Variants in MCL1 observed in about 807,000 individuals in gnomAD.
MCL1 encodes induced myeloid leukemia cell differentiation protein Mcl-1.
A neutral mutation model predicts 24.2 loss-of-function variants in MCL1; 4 were observed. The observed-to-expected ratio is 0.17, with a 90% CI of 0.08 to 0.38. The LOEUF (loss-of-function observed/expected upper bound fraction) is 0.38, where lower values mean the gene tolerates loss of function less well. Ranked by LOEUF, MCL1 falls within the 10% of genes least tolerant of loss-of-function variation. MCL1 has a pLI of 1.00. For synonymous variants in MCL1, 248 were observed against 214.0 expected (o/e 1.16, Z -1.39); for missense variants, 529 against 480.3 (o/e 1.10, Z -0.95).
Position 150,579,498 on chromosome 1 carries a change from T to G in MCL1, c.33A>C (p.Gly11=). The change falls in exon 1 of 3, where the codon GGA becomes GGC. Residue 11 remains glycine (G), a synonymous_variant. Transcript: ENST00000369026. MFGLKRNAVI[G]LNLYCGGAGL... is the part of the protein sequence containing the mutation. The stretch of plus-strand genomic sequence containing the variant: ...CGGCCCCCCCACAGTAGAGGTTGAG[T>G]CCGATTACCGCGTTTCTTTTGAGGC... The G allele has an allele frequency of 1.3e-6, 2 of 1,599,482 alleles. No individual in the cohort carries two copies. Among genetic ancestry groups the G allele is most frequent in the Non-Finnish European group, 1.7e-6 (2 of 1,174,230 alleles).
At position 150,578,988 on chromosome 1, in the gene MCL1, A is replaced by G. The variant is rs937833860; in HGVS notation, c.543T>C (p.Ile181=). The change falls in exon 1 of 3, where the codon ATT becomes ATC. Residue 181 remains isoleucine (I), a synonymous_variant. Coordinates refer to ENST00000369026, the MANE Select transcript of MCL1 (RefSeq NM_021960.5). ...CCTGCTCCCGAAGGTACCGAGAGAT[A>G]ATCTCCAGCGACTGCCGGTACAACT... The part of the protein sequence containing the change: ...EDELYRQSLE[I]ISRYLREQAT... 28 of 1,613,378 alleles carry G rather than the reference A, an allele frequency of 1.7e-5. No homozygotes were observed. Among genetic ancestry groups the G allele is most frequent in the East Asian group, 4.5e-5 (2 of 44,884 alleles).
Position 150,578,816 on chromosome 1 carries a change from G to A in MCL1, c.688+27C>T, listed in dbSNP as rs754869704. On this transcript the variant is annotated intron_variant, in intron 1 of 2. Coordinates refer to ENST00000369026, the MANE Select transcript of MCL1 (RefSeq NM_021960.5). ...GGAGAGATGGAAAAAAGGGAGTGAGGCCTTGGCGATTAATGAACCCCCTTA... is the reference window on the plus strand; with the variant it reads ...GGAGAGATGGAAAAAAGGGAGTGAGACCTTGGCGATTAATGAACCCCCTTA... The A allele has an allele frequency of 8.8e-6, 14 of 1,592,416 alleles. No homozygotes were observed. In the Admixed American group the frequency reaches 1.0e-4, roughly 12 times the overall value.
rs1345304713 is a variant in MCL1 at position 150,575,132 on chromosome 1, A to G, written c.*2243T>C. The G allele has an allele frequency of 4.3e-6, 1 of 233,310 alleles. No homozygotes were observed. Among genetic ancestry groups the G allele is most frequent in the African/African-American group, 2.2e-5 (1 of 45,330 alleles). 14.5% of individuals were successfully genotyped at this position (233,310 alleles called of 1,614,324 possible). On this transcript the variant is annotated 3_prime_UTR_variant, in exon 3 of 3. Coordinates refer to ENST00000369026, the MANE Select transcript of MCL1 (RefSeq NM_021960.5). ...CCGTAACCAGATCTTAAGATTAATTAAAAACTACATAAAGTGCTTTTAGGT... is the reference window on the plus strand; with the variant it reads ...CCGTAACCAGATCTTAAGATTAATTGAAAACTACATAAAGTGCTTTTAGGT...
In MCL1 at chr1:150,577,050, C is replaced by A. The variant is rs34355066; in HGVS notation, c.*325G>T. 9.7e-3 allele frequency: 2,833 copies of A among 290,744 alleles called. 20 individuals carry two copies. The highest frequency in any genetic ancestry group is 0.012 in the Middle Eastern group (12 of 980). 18.0% of individuals were successfully genotyped at this position (290,744 alleles called of 1,614,324 possible). A position where few individuals can be genotyped will look rare whatever the true frequency, so the allele number is the denominator to read the frequency against. Reference sequence around the variant, plus strand: ...CTATGACTTGCCTGGCTACTGGCCACTTTCCTGTTCTCAACAAGGAAATTA... The same window carrying A: ...CTATGACTTGCCTGGCTACTGGCCAATTTCCTGTTCTCAACAAGGAAATTA... On this transcript the variant is annotated 3_prime_UTR_variant, in exon 3 of 3. Coordinates refer to ENST00000369026, the MANE Select transcript of MCL1 (RefSeq NM_021960.5).
rs1432344861 is a variant in MCL1 at position 150,578,356 on chromosome 1, G to A, written c.824C>T (p.Ala275Val). 1 of 1,614,160 alleles carries A rather than the reference G, an allele frequency of 6.2e-7. No homozygotes were observed. The highest frequency in any genetic ancestry group is 2.2e-5 in the East Asian group (1 of 44,890). The part of the protein sequence containing the change: ...VTLISFGAFV[A>V]KHLKTINQES... Reference sequence around the variant, plus strand: ...TTGGTTTATGGTCTTCAAGTGTTTAGCCACAAAGGCACCAAAAGAAATGAG... The same window carrying A: ...TTGGTTTATGGTCTTCAAGTGTTTAACCACAAAGGCACCAAAAGAAATGAG... Residue 275 changes from alanine (A) to valine (V), a missense_variant, in exon 2 of 3, where the codon GCT becomes GTT. Coordinates refer to ENST00000369026, the MANE Select transcript of MCL1 (RefSeq NM_021960.5).
At position 150,574,913 on chromosome 1, in the gene MCL1, C is replaced by A; in HGVS notation, c.*2462G>T. 2 of 233,280 alleles carry A rather than the reference C, an allele frequency of 8.6e-6. No individual in the cohort carries two copies. The highest frequency in any genetic ancestry group is 8.5e-6 in the Non-Finnish European group (1 of 118,036). 14.5% of individuals were successfully genotyped at this position (233,280 alleles called of 1,614,324 possible). On this transcript the variant is annotated 3_prime_UTR_variant, in exon 3 of 3. Transcript: ENST00000369026. ...GCCTCCTCCTCCCCCTATAAACCCA[C>A]CACTCCCCTCCTCCTTTCCCAAACC...
In MCL1 at chr1:150,574,902, C is replaced by G. The variant is rs1466872192; in HGVS notation, c.*2473G>C. On this transcript the variant is annotated 3_prime_UTR_variant, in exon 3 of 3. Coordinates refer to ENST00000369026, the MANE Select transcript of MCL1 (RefSeq NM_021960.5). ...TTAGACCACCTGCCTCCTCCTCCCCCTATAAACCCACCACTCCCCTCCTCC... is the reference window on the plus strand; with the variant it reads ...TTAGACCACCTGCCTCCTCCTCCCCGTATAAACCCACCACTCCCCTCCTCC... The G allele has an allele frequency of 1.3e-5, 3 of 233,198 alleles. No homozygotes were observed. The highest frequency in any genetic ancestry group is 6.6e-5 in the African/African-American group (3 of 45,328). 14.4% of individuals were successfully genotyped at this position (233,198 alleles called of 1,614,324 possible).
At chr1:150,577,624 A>AC in intron 2 of MCL1, 133 bp from the exon 3 acceptor site, 1 of 942,834 alleles carries the variant, frequency 1.1e-6, no homozygotes, top group Non-Finnish European at 1.5e-6. Context: ...ATTATTATTC[A>AC]CCCCGGGGCA....
intron 2 of MCL1, 82 bp from the exon 3 acceptor site, chr1:150,577,573 T>G: frequency 7.2e-7 from 1 of 1,398,162 alleles, no homozygotes; most frequent in South Asian, 1.4e-5. Flanking sequence ...AGAAGGTAAA[T>G]TAAAATATCT....
At position 150,574,728 on chromosome 1, in the gene MCL1, A is replaced by G. The variant is rs1647714304; in HGVS notation, c.*2647T>C. 1 of 233,206 alleles carries G rather than the reference A, an allele frequency of 4.3e-6. No homozygotes were observed. Among genetic ancestry groups the G allele is most frequent in the Non-Finnish European group, 8.5e-6 (1 of 117,722 alleles). 14.4% of individuals were successfully genotyped at this position (233,206 alleles called of 1,614,324 possible). A position where few individuals can be genotyped will look rare whatever the true frequency, so the allele number is the denominator to read the frequency against. On this transcript the variant is annotated 3_prime_UTR_variant, in exon 3 of 3. Transcript: ENST00000369026. Reference sequence around the variant, plus strand: ...GGTGTTCACCCCCCACAGAATGTACATGAAACACTAGAGGACTGCATGTTT... The same window carrying G: ...GGTGTTCACCCCCCACAGAATGTACGTGAAACACTAGAGGACTGCATGTTT...
At position 150,578,249 on chromosome 1, in the gene MCL1, C is replaced by T. The variant is rs749306667; in HGVS notation, c.931G>A (p.Gly311Ser). The change falls in exon 2 of 3, where the codon GGC becomes AGC. Residue 311 changes from glycine (G) to serine (S), a missense_variant. Physicochemically the swap from Gly to Ser is moderately conservative, Grantham distance 56. Coordinates refer to ENST00000369026, the MANE Select transcript of MCL1 (RefSeq NM_021960.5). ...TKRDWLVKQRGWDGFVEFFHV... is the reference protein window; with the variant it reads ...TKRDWLVKQRSWDGFVEFFHV... ...CATCCTTAAGGCAAACTTACCCAGC[C>T]TCTTTGTTTAACTAGCCAGTCCCGT... 8.7e-6 allele frequency: 14 copies of T among 1,613,182 alleles called. No homozygotes were observed. The highest frequency in any genetic ancestry group is 1.2e-5 in the Non-Finnish European group (14 of 1,179,778).
chr1:150,578,728 ATGAGACAC>A, intron 1 of MCL1, 107 bp downstream of exon 1: 1 of 1,183,340 alleles, frequency 8.5e-7, no homozygotes, highest in Non-Finnish European at 1.2e-6. Flanking sequence ...CAGGAATAGG[ATGAGACAC>A]GTTTCAACAC....
chr1:150,579,522 G>A lies in MCL1; in HGVS notation c.9C>T (p.Gly3=), dbSNP rs768233467. The A allele has an allele frequency of 5.6e-6, 9 of 1,598,466 alleles. No homozygotes were observed. The highest frequency in any genetic ancestry group is 2.2e-5 in the South Asian group (2 of 90,336). Residue 3 remains glycine, a synonymous_variant, in exon 1 of 3, where the codon GGC becomes GGT. Coordinates refer to ENST00000369026, the MANE Select transcript of MCL1 (RefSeq NM_021960.5). MF[G]LKRNAVIGLN... ...GTCCGATTACCGCGTTTCTTTTGAG[G>A]CCAAACATTGCCAGTCGCCGCCGCC... is the stretch of plus-strand genomic sequence containing the variant.
intron 1 of MCL1, 164 bp downstream of exon 1, chr1:150,578,679 G>A (rs945379185): frequency 4.0e-6 from 4 of 1,009,370 alleles, no homozygotes; most frequent in South Asian, 1.6e-5. Flanking sequence ...GAATCAAGAT[G>A]GGCGGAAACA....
rs1272574290 is a variant in MCL1, at chr1:150,576,529, G to T, written c.*846C>A. ...ATCAATTCGTTCTGTATACACTCTA[G>T]AACTGAACAGAACAAAGTTTAGCAT... On this transcript the variant is annotated 3_prime_UTR_variant, in exon 3 of 3. Transcript: ENST00000369026. The T allele has an allele frequency of 4.3e-6, 1 of 232,280 alleles. No homozygotes were observed. The allele number at this position is 232,280 out of a possible 1,614,324, so 14.4% of individuals were successfully genotyped here. A position where few individuals can be genotyped will look rare whatever the true frequency, so the allele number is the denominator to read the frequency against.
intron 1 of MCL1, 89 bp from the exon 2 acceptor site, chr1:150,578,580 T>C (rs1033530431): frequency 1.3e-6 from 2 of 1,500,376 alleles, no homozygotes; most frequent in Non-Finnish European, 1.8e-6. Flanking sequence ...GGAAAATCGC[T>C]ACTGGGATTT....
rs1647972575 is a variant in MCL1, at chr1:150,579,279, G to C, written c.252C>G (p.Ala84=). Residue 84 remains alanine, a synonymous_variant, in exon 1 of 3, where the codon GCC becomes GCG. Transcript: ENST00000369026. ...RRVARPPPIG[A]EVPDVTATPA... is the part of the protein sequence containing the mutation. ...GGGTCGCGGTGACGTCGGGGACCTCGGCGCCAATGGGCGGCGGCCGCGCGA... is the reference window on the plus strand; with the variant it reads ...GGGTCGCGGTGACGTCGGGGACCTCCGCGCCAATGGGCGGCGGCCGCGCGA... 1.4e-6 allele frequency: 2 copies of C among 1,479,252 alleles called. No individual in the cohort carries two copies. Among genetic ancestry groups the C allele is most frequent in the African/African-American group, 2.9e-5 (2 of 69,818 alleles). The allele number at this position is 1,479,252 out of a possible 1,614,324, so 91.6% of individuals were successfully genotyped here.
Position 150,579,338 on chromosome 1 carries a change from G to C in MCL1, c.193C>G (p.Pro65Ala). 2 of 1,470,558 alleles carry C rather than the reference G, an allele frequency of 1.4e-6. No homozygotes were observed. Among genetic ancestry groups the C allele is most frequent in the Non-Finnish European group, 1.8e-6 (2 of 1,119,050 alleles). 91.1% of individuals were successfully genotyped at this position (1,470,558 alleles called of 1,614,324 possible). The change falls in exon 1 of 3, where the codon CCC (proline) becomes GCC (alanine). Residue 65 changes from proline (P) to alanine (A), a missense_variant. Pro to Ala is a conservative substitution (Grantham distance 27). Coordinates refer to ENST00000369026, the MANE Select transcript of MCL1 (RefSeq NM_021960.5). Reference sequence around the variant, plus strand: ...GAGTCTGGCGTGAGGGTGGACGGGGGGCTTGCGCCGGCGCTTCCGCCAATC... The same window carrying C: ...GAGTCTGGCGTGAGGGTGGACGGGGCGCTTGCGCCGGCGCTTCCGCCAATC... ...AVIGGSAGAS[P>A]PSTLTPDSRR...
rs1647857674 is a variant in MCL1 at position 150,577,442 on chromosome 1, C to G, written c.986G>C (p.Arg329Thr). ...FHVEDLEGGIRNVLLAFAGVA... is the reference protein window; with the variant it reads ...FHVEDLEGGITNVLLAFAGVA... The stretch of plus-strand genomic sequence containing the variant: ...ACCTGCAAAAGCCAGCAGCACATTC[C>G]TGATGCCACCTTCTAGGTCCTCTAC... Residue 329 changes from arginine to threonine, a missense_variant, in exon 3 of 3, where the codon AGG (arginine) becomes ACG (threonine). Physicochemically the swap from Arg to Thr is moderately conservative, Grantham distance 71. Transcript: ENST00000369026. The G allele has an allele frequency of 1.2e-6, 2 of 1,613,938 alleles. No individual in the cohort carries two copies. The highest frequency in any genetic ancestry group is 4.5e-5 in the East Asian group (2 of 44,878).
Sources: allele counts gnomAD v4.1 joint callset, GRCh38; gene constraint gnomAD v4.1.1; transcripts MANE v1.5; gene names NCBI Gene and HGNC (gene_info 2026-07-23, HGNC 2026-07-21).